The following PTPRD variants were observed in gnomAD, a reference collection of about 807,000 sequenced individuals.
PTPRD encodes the protein protein tyrosine phosphatase receptor type D.
A neutral mutation model predicts 214.5 loss-of-function variants in PTPRD; 34 were observed. The observed-to-expected ratio is 0.16, with a 90% CI of 0.12 to 0.21. The LOEUF is 0.21. Among genes scored for constraint, PTPRD ranks in the 10% least tolerant of loss-of-function variants. The pLI is 1.00. For missense variants in PTPRD, 2,545 were observed against 2,398.7 expected, an observed-to-expected ratio of 1.06 and a Z score of -1.27; for synonymous variants, 1,128 against 845.7, an observed-to-expected ratio of 1.33 and a Z score of -5.79.
intron 12 of PTPRD, among the ~76,000 whole-genome samples, chr9:8,658,030 G>C (rs2096949540): frequency 1.3e-5 from 2 of 152,056 alleles, no homozygotes; most frequent in Non-Finnish European, 2.9e-5. Flanking sequence ...TTTAATTAAT[G>C]ATGTACAGAG....
intron 11 of PTPRD, among the ~76,000 whole-genome samples, chr9:8,758,955 G>A (rs1018815606): frequency 6.6e-6 from 1 of 151,760 alleles, no homozygotes; most frequent in Non-Finnish European, 1.5e-5. Context: ...AAAGTGCTGG[G>A]ATTGCAGGCG....
At chr9:8,593,567 T>G (rs1322000638) in intron 14 of PTPRD, among the ~76,000 whole-genome samples, 4 of 152,226 alleles carry the variant, frequency 2.6e-5, no homozygotes, top group Non-Finnish European at 4.4e-5. Context: ...ATAGTATAGC[T>G]GGAGAAACAT....
At chr9:10,325,083 C>T (rs1302477694) in intron 3 of PTPRD, among the ~76,000 whole-genome samples, 2 of 152,026 alleles carry the variant, frequency 1.3e-5, no homozygotes, top group Non-Finnish European at 1.5e-5. Context: ...TTCACCTCCT[C>T]CCCAATCTAC....
intron 10 of PTPRD, among the ~76,000 whole-genome samples, chr9:9,033,403 C>G (rs1250245013): frequency 6.6e-6 from 1 of 152,094 alleles, no homozygotes; most frequent in African/African-American, 2.4e-5. Flanking sequence ...ATTTCCGCTG[C>G]TCCACTCAGA....
At chr9:8,829,357 T>TA (rs1052755518) in intron 11 of PTPRD, among the ~76,000 whole-genome samples, 11 of 152,306 alleles carry the variant, frequency 7.2e-5, no homozygotes, top group Admixed American at 4.6e-4. Context: ...TAGTTTTACC[T>TA]AAAAAATCAC....
chr9:9,716,542 C>T (rs1595899836), intron 7 of PTPRD, among the ~76,000 whole-genome samples: 3 of 152,164 alleles, frequency 2.0e-5, no homozygotes, highest in East Asian at 1.9e-4. Flanking sequence ...TAATGATTGC[C>T]GTTCTAACTG....
At chr9:9,236,089 C>A (rs535273485) in intron 9 of PTPRD, among the ~76,000 whole-genome samples, 2 of 152,096 alleles carry the variant, frequency 1.3e-5, no homozygotes, top group African/African-American at 2.4e-5. Context: ...CATGGTGAAA[C>A]CCTGCCTCTA....
At chr9:10,544,139 T>C (rs188017546) in intron 2 of PTPRD, among the ~76,000 whole-genome samples, 2,653 of 152,292 alleles carry the variant, frequency 0.017, 32 homozygotes, top group Non-Finnish European at 0.028. Context: ...GTAGGCTCTT[T>C]CTACATATTT....
chr9:9,388,448 T>G (rs1337010621), intron 9 of PTPRD, among the ~76,000 whole-genome samples: 1 of 152,148 alleles, frequency 6.6e-6, no homozygotes, highest in African/African-American at 2.4e-5. Flanking sequence ...TCAATATATC[T>G]AAATGCATAG....
In PTPRD at chr9:9,487,835, A is replaced by G. The variant is rs1031281238; in HGVS notation, c.-237+86897T>C. Among the ~76,000 whole-genome samples the G allele has an allele frequency of 3.9e-5, 6 of 152,178 alleles. 1 individual carries two copies. In the South Asian group the frequency reaches 1.0e-3, roughly 26 times the overall value. On this transcript the variant is annotated intron_variant, in intron 8 of 45. Transcript: ENST00000381196. ...TTGAGGGTCAAAACTAAGTAATATC[A>G]GAAAGTATCCCTAATAATTCCCAGT...
chr9:10,059,044 T>C (rs186798706), intron 3 of PTPRD, among the ~76,000 whole-genome samples: 10 of 152,170 alleles, frequency 6.6e-5, no homozygotes, highest in African/African-American at 2.2e-4. Context: ...ACATGCTAAG[T>C]TGAATTTGAC....
chr9:10,566,920 C>G (rs148135731), intron 2 of PTPRD, among the ~76,000 whole-genome samples: 1 of 152,168 alleles, frequency 6.6e-6, no homozygotes, highest in African/African-American at 2.4e-5. Flanking sequence ...TAAAACATTT[C>G]TTTTCATTTT....
intron 42 of PTPRD, 101 bp from the exon 43 acceptor site, chr9:8,339,148 T>A (rs540283400): frequency 8.0e-7 from 1 of 1,247,172 alleles, no homozygotes; most frequent in East Asian, 2.7e-5. Flanking sequence ...CTTATCCCAT[T>A]AATAAAATTT....
chr9:8,697,042 A>T (rs372572593), intron 12 of PTPRD, among the ~76,000 whole-genome samples: 13 of 152,240 alleles, frequency 8.5e-5, no homozygotes, highest in African/African-American at 3.1e-4. Context: ...GTTTCTGCCT[A>T]GAAGAATCCT....
chr9:9,099,702 G>C (rs1055890694), intron 10 of PTPRD, among the ~76,000 whole-genome samples: 2 of 152,186 alleles, frequency 1.3e-5, no homozygotes, highest in Non-Finnish European at 2.9e-5. Flanking sequence ...GTTACTGAAA[G>C]CGTCACGCTG....
intron 8 of PTPRD, among the ~76,000 whole-genome samples, chr9:9,475,518 C>T (rs926697009): frequency 6.6e-6 from 1 of 152,150 alleles, no homozygotes; most frequent in Non-Finnish European, 1.5e-5. Context: ...GTGCTAGTTT[C>T]TTATGTCACT....
chr9:8,453,459 T>G (rs547251821), intron 33 of PTPRD, among the ~76,000 whole-genome samples: 4 of 152,356 alleles, frequency 2.6e-5, no homozygotes, highest in African/African-American at 9.6e-5. Context: ...CCACCATGCC[T>G]GGCCGATGAA....
chr9:10,265,617 C>T (rs2475346), intron 3 of PTPRD, among the ~76,000 whole-genome samples: 21,771 of 152,152 alleles, frequency 0.14, 1,621 homozygotes, highest in Admixed American at 0.16. Flanking sequence ...GTCATTGTAG[C>T]ACAAAGGCAG....
intron 7 of PTPRD, among the ~76,000 whole-genome samples, chr9:9,732,635 A>G (rs1250482673): frequency 6.6e-6 from 1 of 152,182 alleles, no homozygotes; most frequent in Non-Finnish European, 1.5e-5. Context: ...GGAAATGGGG[A>G]GGCAAAATTT....
Sources: gnomAD v4.1 joint callset for allele counts (sites outside exome capture counted in the v4.1 genomes callset) on GRCh38, gnomAD v4.1.1 for gene constraint, MANE v1.5 for transcripts, NCBI Gene and HGNC (gene_info 2026-07-23, HGNC 2026-07-21) for gene names.